Variants in WDR27 observed in about 807,000 individuals in gnomAD.
WDR27 encodes WD repeat domain 27, also known as WD repeat-containing protein 27.
WDR27 carries 100 observed loss-of-function variants against 114.4 expected under a neutral mutation model. That is an observed-to-expected ratio of 0.87 (90% CI 0.74 to 1.03). WDR27 has a LOEUF of 1.03. Ranked by LOEUF, WDR27 falls within the 50% of genes least tolerant of loss-of-function variation. The pLI, the probability that WDR27 is intolerant of heterozygous loss-of-function variation, is 0.00. For synonymous variants in WDR27, 449 were observed against 423.1 expected (o/e 1.06, Z -0.75); for missense variants, 1,129 against 1,092.9 (o/e 1.03, Z -0.47).
chr6:169,515,830 A>AT (rs1793562673), intron 25 of WDR27, among the ~76,000 whole-genome samples: 1 of 149,824 alleles, frequency 6.7e-6, no homozygotes, highest in Non-Finnish European at 1.5e-5. Flanking sequence ...TGTGAAGGAT[A>AT]TATATTATAT....
At position 169,643,749 on chromosome 6, in the gene WDR27, A is replaced by T. The variant is rs1226734433; in HGVS notation, c.1695T>A (p.His565Gln). 6.2e-7 allele frequency: 1 copy of T among 1,613,642 alleles called. No homozygotes were observed. Among genetic ancestry groups the T allele is most frequent in the African/African-American group, 1.3e-5 (1 of 74,948 alleles). ...GQWLACGLANHLLLVFDASLT... is the reference protein window; with the variant it reads ...GQWLACGLANQLLLVFDASLT... ...GGCTGGCATCAAAAACGAGTAACAG[A>T]TGGTTGGCCAACCCACAGGCCAGCC... The change falls in exon 17 of 26, where the codon CAT becomes CAA. Residue 565 changes from histidine (H) to glutamine (Q), a missense_variant. Physicochemically the swap from His to Gln is conservative, Grantham distance 24. Transcript: ENST00000448612.
intron 25 of WDR27, among the ~76,000 whole-genome samples, chr6:169,539,290 G>A (rs149705818): frequency 3.5e-4 from 54 of 152,158 alleles, no homozygotes; most frequent in African/African-American, 8.9e-4. Context: ...GCCCCAACCC[G>A]CTGGGAAGCA....
At chr6:169,697,150 A>C (rs543975529) in intron 1 of WDR27, among the ~76,000 whole-genome samples, 309 of 152,324 alleles carry the variant, frequency 2.0e-3, no homozygotes, top group African/African-American at 7.2e-3. Context: ...AGTTTGTAGC[A>C]ATTACTCTTT....
At chr6:169,690,712 G>A (rs1784270270) in intron 1 of WDR27, among the ~76,000 whole-genome samples, 1 of 152,174 alleles carries the variant, frequency 6.6e-6, no homozygotes, top group African/African-American at 2.4e-5. Context: ...GCACTGTAGG[G>A]TGCTACTCAT....
chr6:169,593,199 TG>T (rs1056063609), intron 23 of WDR27, among the ~76,000 whole-genome samples: 1 of 152,242 alleles, frequency 6.6e-6, no homozygotes, highest in Non-Finnish European at 1.5e-5. Context: ...TAAGTATCTT[TG>T]GGACTATTTG....
chr6:169,575,462 CG>C (rs1246604923), intron 24 of WDR27, among the ~76,000 whole-genome samples: 2 of 151,908 alleles, frequency 1.3e-5, no homozygotes, highest in African/African-American at 4.8e-5. Context: ...TCTCTGCAAA[CG>C]TGTTTCTGTA....
chr6:169,681,030 C>A (rs1781390070), intron 2 of WDR27, among the ~76,000 whole-genome samples: 1 of 152,120 alleles, frequency 6.6e-6, no homozygotes, highest in Non-Finnish European at 1.5e-5. Flanking sequence ...ACTTGAAGAA[C>A]ACTATTAGCC....
chr6:169,448,968 TATC>T, the WDR27 span, among the ~76,000 whole-genome samples: 1 of 152,202 alleles, frequency 6.6e-6, no homozygotes, highest in Non-Finnish European at 1.5e-5. Context: ...TCTGTTTCCT[TATC>T]ATATCACAGC....
intron 25 of WDR27, among the ~76,000 whole-genome samples, chr6:169,528,769 C>G (rs186633490): frequency 6.6e-6 from 1 of 152,160 alleles, no homozygotes; most frequent in African/African-American, 2.4e-5. Flanking sequence ...TCAAGTGATC[C>G]GCCCGCTTCA....
intron 25 of WDR27, among the ~76,000 whole-genome samples, chr6:169,479,311 G>T (rs75573618): frequency 0.016 from 2,494 of 152,132 alleles, 67 homozygotes; most frequent in African/African-American, 0.057. Context: ...AATCATCAGG[G>T]AAATGTAAAT....
chr6:169,556,922 T>A (rs1798970117), intron 25 of WDR27, among the ~76,000 whole-genome samples: 2 of 152,144 alleles, frequency 1.3e-5, no homozygotes, highest in Non-Finnish European at 2.9e-5. Flanking sequence ...CACATGTAAC[T>A]GAGATGATGG....
At chr6:169,616,285 C>T (rs565950012) in intron 21 of WDR27, among the ~76,000 whole-genome samples, 10 of 152,230 alleles carry the variant, frequency 6.6e-5, no homozygotes, top group African/African-American at 2.4e-4. Flanking sequence ...GTCAAGAGAT[C>T]GAGACCAGCC....
chr6:169,453,605 A>T (rs900673243), downstream of WDR27, among the ~76,000 whole-genome samples: 2 of 152,190 alleles, frequency 1.3e-5, no homozygotes, highest in Non-Finnish European at 2.9e-5. Flanking sequence ...CAGAGAACCT[A>T]ATTTCTACTG....
intron 25 of WDR27, chr6:169,558,989 G>A (rs1799288097): frequency 2.6e-5 from 4 of 152,158 alleles, no homozygotes; most frequent in Admixed American, 2.6e-4. Context: ...ATTGCACTTG[G>A]AAGTTACAGG....
At chr6:169,647,441 C>G (rs1821060304) in intron 16 of WDR27, among the ~76,000 whole-genome samples, 2 of 152,204 alleles carry the variant, frequency 1.3e-5, no homozygotes, top group Non-Finnish European at 2.9e-5. Flanking sequence ...CCTGCCGAAG[C>G]CCTCCCACCT....
intron 23 of WDR27, among the ~76,000 whole-genome samples, chr6:169,586,959 C>A (rs1185552252): frequency 7.0e-6 from 1 of 143,822 alleles, no homozygotes; most frequent in African/African-American, 2.6e-5. Context: ...TCTTGGTGAA[C>A]AATGAAAAGA....
intron 6 of WDR27, 157 bp downstream of exon 6, chr6:169,666,979 C>G: frequency 1.0e-6 from 1 of 985,456 alleles, no homozygotes; most frequent in Non-Finnish European, 1.2e-6. Context: ...AGTGAATCCT[C>G]TCCCTGTGTG....
chr6:169,444,358 C>A, the WDR27 span, among the ~76,000 whole-genome samples: 2 of 152,218 alleles, frequency 1.3e-5, no homozygotes, highest in Non-Finnish European at 2.9e-5. Flanking sequence ...GTGTGTTTGT[C>A]CCTCATTAGC....
At chr6:169,502,182 A>G (rs1279876835) in intron 25 of WDR27, among the ~76,000 whole-genome samples, 1 of 152,194 alleles carries the variant, frequency 6.6e-6, no homozygotes, top group Non-Finnish European at 1.5e-5. Context: ...GCCCCCATGC[A>G]GGGAGAGGAA....
Sources: gnomAD v4.1 joint callset for allele counts (sites outside exome capture counted in the v4.1 genomes callset) on GRCh38, gnomAD v4.1.1 for gene constraint, MANE v1.5 for transcripts, NCBI Gene and HGNC (gene_info 2026-07-23, HGNC 2026-07-21) for gene names.